The following RANBP17 variants were observed in gnomAD, a reference collection of about 807,000 sequenced individuals.
RANBP17 encodes ran-binding protein 17.
RANBP17 carries 158 observed loss-of-function variants against 141.2 expected under a neutral mutation model. That is an observed-to-expected ratio of 1.12 (90% CI 0.98 to 1.28). The LOEUF is 1.28. Ranked by LOEUF, RANBP17 falls within the 50% of genes most tolerant of loss-of-function variation. RANBP17 has a pLI of 0.00. For missense variants in RANBP17, 1,438 were observed against 1,290.7 expected (o/e 1.11, Z -1.75); for synonymous variants, 430 against 450.0 (o/e 0.96, Z 0.56).
At chr5:170,917,253 T>C (rs1012577181) in intron 9 of RANBP17, among the ~76,000 whole-genome samples, 7 of 152,220 alleles carry the variant, frequency 4.6e-5, no homozygotes, top group African/African-American at 1.7e-4. Context: ...ATCTGAATGT[T>C]AATATTGGAG....
chr5:170,876,008 G>A (rs933504571), intron 1 of RANBP17, among the ~76,000 whole-genome samples: 2 of 152,158 alleles, frequency 1.3e-5, no homozygotes, highest in African/African-American at 4.8e-5. Context: ...TCTTCTGTGG[G>A]GCTGCTGTGG....
chr5:171,023,239 AT>A (rs951824793), intron 14 of RANBP17, among the ~76,000 whole-genome samples: 38 of 152,176 alleles, frequency 2.5e-4, no homozygotes, highest in African/African-American at 8.9e-4. Flanking sequence ...CCTGCCCCCA[AT>A]ATGCATCTTT....
chr5:171,294,564 T>A (rs1768701873), intron 26 of RANBP17, among the ~76,000 whole-genome samples: 1 of 152,174 alleles, frequency 6.6e-6, no homozygotes, highest in African/African-American at 2.4e-5. Flanking sequence ...AAGATAGTAC[T>A]GGGGAAAAAG....
chr5:171,023,034 G>A (rs896661502), intron 14 of RANBP17, among the ~76,000 whole-genome samples: 2 of 152,188 alleles, frequency 1.3e-5, no homozygotes, highest in African/African-American at 4.8e-5. Flanking sequence ...GGGCTCCCCT[G>A]CCCCATGTGG....
chr5:171,181,521 T>C (rs1348919337), intron 16 of RANBP17, among the ~76,000 whole-genome samples: 3 of 151,946 alleles, frequency 2.0e-5, no homozygotes, highest in East Asian at 1.9e-4. Flanking sequence ...GGAAAATCCA[T>C]GGATGTAGTC....
In RANBP17 at chr5:171,041,565, C is replaced by T. The variant is rs191125398; in HGVS notation, c.1710+73188C>T. 4.7e-3 allele frequency among the ~76,000 whole-genome samples: 713 copies of T among 152,076 alleles called. 4 individuals are homozygous for T. The highest frequency in any genetic ancestry group is 0.017 in the African/African-American group (691 of 41,474). ...CGTCAGGAACTGTTCTTACACAAAC[C>T]TGGATGGTATAGCCTACTACACACC... On this transcript the variant is annotated intron_variant, in intron 14 of 27. Coordinates refer to ENST00000523189, the MANE Select transcript of RANBP17 (RefSeq NM_022897.5).
intron 21 of RANBP17, among the ~76,000 whole-genome samples, chr5:171,215,323 G>T (rs947400784): frequency 6.6e-6 from 1 of 152,098 alleles, no homozygotes; most frequent in African/African-American, 2.4e-5. Context: ...CATTTGGGTT[G>T]GTTCCAATCT....
intron 16 of RANBP17, among the ~76,000 whole-genome samples, chr5:171,177,769 A>G (rs1269127018): frequency 2.6e-5 from 4 of 152,156 alleles, no homozygotes; most frequent in African/African-American, 9.7e-5. Flanking sequence ...TTTTCAATCT[A>G]CATATCTGGG....
chr5:171,276,778 T>C (rs1767512206), intron 25 of RANBP17, among the ~76,000 whole-genome samples: 1 of 152,152 alleles, frequency 6.6e-6, no homozygotes, highest in South Asian at 2.1e-4. Flanking sequence ...AGCCCAATAA[T>C]AATTAGGCAT....
At chr5:170,918,680 T>G (rs1023456169) in intron 9 of RANBP17, 33 bp from the exon 10 acceptor site, 2 of 1,569,740 alleles carry the variant, frequency 1.3e-6, no homozygotes, top group Non-Finnish European at 1.7e-6. Flanking sequence ...GGTTGGCTTG[T>G]TTTTAAGCCT....
intron 1 of RANBP17, among the ~76,000 whole-genome samples, chr5:170,876,667 A>G (rs1393141463): frequency 6.6e-6 from 1 of 152,054 alleles, no homozygotes; most frequent in Non-Finnish European, 1.5e-5. Context: ...GGAAAATGCT[A>G]TAAAAGCGCT....
chr5:170,872,137 C>T (rs758062782), intron 1 of RANBP17, among the ~76,000 whole-genome samples: 24 of 152,156 alleles, frequency 1.6e-4, no homozygotes, highest in Non-Finnish European at 3.2e-4. Context: ...AATATTGATT[C>T]TCCTTATCCA....
At position 171,140,835 on chromosome 5, in the gene RANBP17, A is replaced by G. The variant is rs143927834; in HGVS notation, c.1711-29295A>G. On this transcript the variant is annotated intron_variant, in intron 14 of 27. Transcript: ENST00000523189. ...AAGGACCTCTTCATCCTACTCTTAC[A>G]TTACTGTGAAGGGTAGATCCATGTG... 4.0e-3 allele frequency among the ~76,000 whole-genome samples: 611 copies of G among 152,304 alleles called. 4 individuals carry two copies. The highest frequency in any genetic ancestry group is 0.014 in the African/African-American group (587 of 41,562).
intron 18 of RANBP17, among the ~76,000 whole-genome samples, chr5:171,186,073 C>G (rs1024444694): frequency 8.5e-5 from 13 of 152,098 alleles, no homozygotes; most frequent in African/African-American, 2.7e-4. Flanking sequence ...CTTAAGGACC[C>G]TAGGATTTTC....
chr5:171,252,151 A>T, intron 24 of RANBP17: 1 of 1,592,266 alleles, frequency 6.3e-7, no homozygotes, highest in Middle Eastern at 2.1e-4. Context: ...CAGAAAGAAG[A>T]TGAGCTTTTT....
chr5:171,006,169 A>G (rs989762669), intron 14 of RANBP17, among the ~76,000 whole-genome samples: 1 of 152,236 alleles, frequency 6.6e-6, no homozygotes, highest in African/African-American at 2.4e-5. Flanking sequence ...TAGTTCAACC[A>G]TTGTGGAAGT....
intron 14 of RANBP17, among the ~76,000 whole-genome samples, chr5:171,081,218 G>C (rs1449883069): frequency 6.6e-6 from 1 of 152,052 alleles, no homozygotes; most frequent in African/African-American, 2.4e-5. Context: ...TTCGGTAGTG[G>C]TATCTCTTAT....
At chr5:170,905,055 A>G (rs909844382) in intron 5 of RANBP17, among the ~76,000 whole-genome samples, 1 of 152,152 alleles carries the variant, frequency 6.6e-6, no homozygotes, top group African/African-American at 2.4e-5. Flanking sequence ...TATCAAACCA[A>G]TTGATTTTAT....
chr5:171,103,887 T>C (rs904089817), intron 14 of RANBP17, among the ~76,000 whole-genome samples: 5 of 152,250 alleles, frequency 3.3e-5, no homozygotes, highest in African/African-American at 1.2e-4. Context: ...CTGGGTGAGG[T>C]GGTGCCCCAC....
Sources: gnomAD v4.1 joint callset for allele counts (sites outside exome capture counted in the v4.1 genomes callset) on GRCh38, gnomAD v4.1.1 for gene constraint, MANE v1.5 for transcripts, NCBI Gene and HGNC (gene_info 2026-07-23, HGNC 2026-07-21) for gene names.